The following RBPJ variants were observed in gnomAD, a reference collection of about 807,000 sequenced individuals.
RBPJ encodes the protein recombination signal binding protein for immunoglobulin kappa J region.
A neutral mutation model predicts 67.8 loss-of-function variants in RBPJ; 9 were observed. That is an observed-to-expected ratio of 0.13 (90% confidence interval 0.08 to 0.23). RBPJ has a LOEUF of 0.23. Ranked by LOEUF, RBPJ falls within the 10% of genes least tolerant of loss-of-function variation. The pLI, the probability that RBPJ is intolerant of heterozygous loss-of-function variation, is 1.00. For synonymous variants in RBPJ, 198 were observed against 203.3 expected (o/e 0.97, Z 0.22); for missense variants, 305 against 595.6 (o/e 0.51, Z 5.08).
rs73809414 is a variant in RBPJ, at chr4:26,326,752, G to A, written c.20+5704G>A. On this transcript the variant is annotated intron_variant, in intron 1 of 10. Coordinates refer to ENST00000355476, the MANE Select transcript of RBPJ (RefSeq NM_015874.6). ...GTAAGTGACTTGTAAACAGTAAAGC[G>A]TTCTATACAAATATTTTAATTACTA... 4.9e-3 allele frequency among the ~76,000 whole-genome samples: 743 copies of A among 152,202 alleles called. 10 individuals are homozygous for A. Among genetic ancestry groups the A allele is most frequent in the African/African-American group, 0.017 (720 of 41,534 alleles).
chr4:26,182,739 T>G (rs1042441776), intron 1 of RBPJ, among the ~76,000 whole-genome samples: 1 of 152,048 alleles, frequency 6.6e-6, no homozygotes, highest in Non-Finnish European at 1.5e-5. Context: ...GCTCAAACGA[T>G]CCTCCCACCT....
chr4:26,394,540 T>G (rs1305993515), intron 2 of RBPJ, among the ~76,000 whole-genome samples: 2 of 152,130 alleles, frequency 1.3e-5, no homozygotes. Flanking sequence ...CTTGTACTGT[T>G]GAGGCTTTTA....
At chr4:26,304,192 C>A (rs1333119626) in intron 1 of RBPJ, among the ~76,000 whole-genome samples, 1 of 152,134 alleles carries the variant, frequency 6.6e-6, no homozygotes, top group Non-Finnish European at 1.5e-5. Context: ...TACTTTATGT[C>A]TTTTTATAAA....
chr4:26,425,190 G>A (rs957739591), intron 7 of RBPJ, among the ~76,000 whole-genome samples: 6 of 152,110 alleles, frequency 3.9e-5, no homozygotes, highest in Non-Finnish European at 8.8e-5. Context: ...ATTTTTGTTA[G>A]CTTACTCTCT....
chr4:26,412,008 G>A (rs111675237), intron 3 of RBPJ, among the ~76,000 whole-genome samples: 4 of 151,004 alleles, frequency 2.6e-5, no homozygotes, highest in South Asian at 2.1e-4. Context: ...CCAGCTACTC[G>A]GGAGGCTGAG....
At chr4:26,374,192 G>A (rs943129779) in intron 1 of RBPJ, among the ~76,000 whole-genome samples, 2 of 151,964 alleles carry the variant, frequency 1.3e-5, no homozygotes, top group African/African-American at 2.4e-5. Flanking sequence ...CACTCGCCTC[G>A]GCCTTCCAAA....
At chr4:26,129,354 A>C in the RBPJ span, among the ~76,000 whole-genome samples, 3 of 152,184 alleles carry the variant, frequency 2.0e-5, no homozygotes, top group Non-Finnish European at 4.4e-5. Flanking sequence ...TGGACCCTAA[A>C]AGTACTTCAA....
At chr4:26,269,815 G>A (rs903678945) in intron 1 of RBPJ, among the ~76,000 whole-genome samples, 2 of 152,042 alleles carry the variant, frequency 1.3e-5, no homozygotes, top group African/African-American at 4.8e-5. Context: ...GGGGTAGAAT[G>A]ACAGAGAAAA....
At chr4:26,105,817 G>T in the RBPJ span, among the ~76,000 whole-genome samples, 1 of 152,188 alleles carries the variant, frequency 6.6e-6, no homozygotes, top group Non-Finnish European at 1.5e-5. Context: ...TAGAAAAAAA[G>T]TCTGAAGGGT....
chr4:26,344,952 C>T (rs906917072), intron 1 of RBPJ, among the ~76,000 whole-genome samples: 8 of 152,184 alleles, frequency 5.3e-5, no homozygotes, highest in Non-Finnish European at 1.0e-4. Flanking sequence ...GAATGTGCTG[C>T]TTAAAATGAG....
At chr4:26,299,118 A>G (rs1292209415) in intron 1 of RBPJ, among the ~76,000 whole-genome samples, 1 of 152,186 alleles carries the variant, frequency 6.6e-6, no homozygotes, top group East Asian at 1.9e-4. Flanking sequence ...CAAAAAAATA[A>G]AGGAGTTGGG....
intron 2 of RBPJ, among the ~76,000 whole-genome samples, chr4:26,390,626 A>C (rs1162909831): frequency 6.6e-6 from 1 of 152,228 alleles, no homozygotes; most frequent in African/African-American, 2.4e-5. Context: ...AAGCAATACA[A>C]TTTACACAGT....
intron 1 of RBPJ, among the ~76,000 whole-genome samples, chr4:26,262,186 C>T (rs1720561380): frequency 6.6e-6 from 1 of 152,092 alleles, no homozygotes. Flanking sequence ...CTCAAATGAT[C>T]CACCCACCTT....
the RBPJ span, among the ~76,000 whole-genome samples, chr4:26,150,891 T>C: frequency 6.6e-6 from 1 of 152,318 alleles, no homozygotes; most frequent in Admixed American, 6.5e-5. Flanking sequence ...CAGTATGCCA[T>C]GCAGCATCAG....
Position 26,244,335 on chromosome 4 carries a change from G to A in RBPJ, c.-167+80721G>A, listed in dbSNP as rs1265916278. 7.2e-5 allele frequency among the ~76,000 whole-genome samples: 11 copies of A among 151,744 alleles called. 1 individual carries two copies. The highest frequency in any genetic ancestry group is 1.3e-4 in the Non-Finnish European group (9 of 67,844). ...TGTGTGTATATGTATACACATATGT[G>A]TACACATATGTGTGTATATATATGT... is the stretch of plus-strand genomic sequence containing the variant. On this transcript the variant is annotated intron_variant, in intron 1 of 4. Coordinates refer to the RBPJ transcript ENST00000512351.
At chr4:26,181,699 G>GA (rs1239239673) in intron 1 of RBPJ, among the ~76,000 whole-genome samples, 1 of 152,208 alleles carries the variant, frequency 6.6e-6, no homozygotes, top group Non-Finnish European at 1.5e-5. Context: ...TATAGCATGT[G>GA]ACTCTACTGG....
intron 1 of RBPJ, among the ~76,000 whole-genome samples, chr4:26,365,540 A>G (rs1560297224): frequency 6.6e-6 from 1 of 152,234 alleles, no homozygotes; most frequent in Non-Finnish European, 1.5e-5. Context: ...TGAATATAGA[A>G]AAGAATGTAT....
chr4:26,157,144 A>AAACTAAT, the RBPJ span, among the ~76,000 whole-genome samples: 1 of 151,720 alleles, frequency 6.6e-6, no homozygotes, highest in East Asian at 1.9e-4. Flanking sequence ...TAAAAACTAA[A>AAACTAAT]TCCAGCAGGG....
intron 1 of RBPJ, among the ~76,000 whole-genome samples, chr4:26,307,170 A>G (rs17644283): frequency 0.67 from 101,721 of 152,118 alleles, 34,330 homozygotes; most frequent in African/African-American, 0.75. Flanking sequence ...TAAAATTACC[A>G]ACTGTCAGCA....
Sources: allele counts gnomAD v4.1 joint callset (sites outside exome capture counted in the v4.1 genomes callset), GRCh38; gene constraint gnomAD v4.1.1; transcripts MANE v1.5; gene names NCBI Gene and HGNC (gene_info 2026-07-23, HGNC 2026-07-21).